Variants in DIAPH2 observed in about 807,000 individuals in gnomAD.
The protein encoded by DIAPH2 is protein diaphanous homolog 2.
A neutral mutation model predicts 92.7 loss-of-function variants in DIAPH2; 35 were observed. That is an observed-to-expected ratio of 0.38 (90% CI 0.29 to 0.50). The LOEUF (loss-of-function observed/expected upper bound fraction) is 0.50, where lower values mean the gene tolerates loss of function less well. Among genes scored for constraint, DIAPH2 ranks in the 20% least tolerant of loss-of-function variants. The pLI is 0.94. For missense variants in DIAPH2, 701 were observed against 819.5 expected (o/e 0.86, Z 1.77); for synonymous variants, 301 against 280.4 (o/e 1.07, Z -0.73).
intron 20 of DIAPH2, among the ~76,000 whole-genome samples, chrX:97,103,617 C>T (rs2066919964): frequency 8.9e-6 from 1 of 112,054 alleles, no homozygotes; most frequent in Non-Finnish European, 1.9e-5. Flanking sequence ...TTACAATATA[C>T]ATTTATCTTG....
At chrX:96,911,385 AG>A (rs2147779072) in intron 5 of DIAPH2, among the ~76,000 whole-genome samples, 1 of 111,233 alleles carries the variant, frequency 9.0e-6, no homozygotes, top group South Asian at 3.9e-4. Context: ...TAGAAGTAGA[AG>A]TAGAAGTAGA....
intron 16 of DIAPH2, among the ~76,000 whole-genome samples, chrX:96,959,423 T>G (rs1482029323): frequency 8.9e-6 from 1 of 111,989 alleles, no homozygotes; most frequent in Non-Finnish European, 1.9e-5. Context: ...TTTGTTTGTC[T>G]TCTTTTGAGA....
rs192931820 is a variant in DIAPH2 at position 97,391,115 on chromosome X, T to C, written c.3145+7071T>C. 5.4e-5 allele frequency among the ~76,000 whole-genome samples: 6 copies of C among 111,557 alleles called. No individual in the cohort carries two copies. The East Asian group carries it at 1.7e-3, about 31-fold the overall frequency. ...AGATCCTTCCATTGCAAGTGTGTAG[T>C]TTTAATTATGAAAATGAAAAGATGC... On this transcript the variant is annotated intron_variant, in intron 25 of 26. Transcript: ENST00000324765.
chrX:97,541,276 A>G (rs2071138486), intron 26 of DIAPH2, among the ~76,000 whole-genome samples: 1 of 112,001 alleles, frequency 8.9e-6, no homozygotes, highest in Non-Finnish European at 1.9e-5. Context: ...GATACTTACT[A>G]GGGTACTCAG....
intron 22 of DIAPH2, among the ~76,000 whole-genome samples, chrX:97,215,458 G>A (rs2067875610): frequency 8.9e-6 from 1 of 112,136 alleles, no homozygotes; most frequent in African/African-American, 3.2e-5. Context: ...GCTTTGTGAA[G>A]TGAATCATAT....
intron 26 of DIAPH2, among the ~76,000 whole-genome samples, chrX:97,575,416 G>T (rs1195549207): frequency 2.7e-5 from 3 of 112,019 alleles, no homozygotes; most frequent in Non-Finnish European, 5.6e-5. Context: ...TTTTTCTAGG[G>T]ACACTAGTCA....
chrX:97,171,819 A>G (rs1455198051), intron 22 of DIAPH2, among the ~76,000 whole-genome samples: 1 of 110,432 alleles, frequency 9.1e-6, no homozygotes, highest in Non-Finnish European at 1.9e-5. Context: ...GGGCGCCTGT[A>G]GTCCCAGCTA....
At chrX:97,359,229 T>C (rs186358716) in intron 24 of DIAPH2, among the ~76,000 whole-genome samples, 55 of 111,936 alleles carry the variant, frequency 4.9e-4, no homozygotes, top group African/African-American at 1.7e-3. Flanking sequence ...ACTGTCCAGT[T>C]AGGCTATTCA....
chrX:96,719,552 C>T (rs186094548), intron 1 of DIAPH2, among the ~76,000 whole-genome samples: 15 of 111,758 alleles, frequency 1.3e-4, no homozygotes, highest in African/African-American at 4.9e-4. Context: ...GTCCTTTACC[C>T]GATGTATGTT....
intron 22 of DIAPH2, among the ~76,000 whole-genome samples, chrX:97,238,955 T>G (rs1483017326): frequency 8.9e-6 from 1 of 111,956 alleles, no homozygotes; most frequent in African/African-American, 3.2e-5. Context: ...TAATCATGTT[T>G]GGGCCTATTC....
intron 26 of DIAPH2, among the ~76,000 whole-genome samples, chrX:97,433,823 A>G (rs1468454368): frequency 1.8e-5 from 2 of 112,370 alleles, no homozygotes; most frequent in South Asian, 3.7e-4. Flanking sequence ...AAGCACAGAA[A>G]GACTACAGAA....
At chrX:97,560,146 G>C (rs1344729504) in intron 26 of DIAPH2, among the ~76,000 whole-genome samples, 1 of 111,672 alleles carries the variant, frequency 9.0e-6, no homozygotes, top group Non-Finnish European at 1.9e-5. Flanking sequence ...AAAGATCCCT[G>C]CCACCTCTCA....
At chrX:97,164,562 T>A (rs2067398101) in intron 22 of DIAPH2, among the ~76,000 whole-genome samples, 1 of 112,147 alleles carries the variant, frequency 8.9e-6, no homozygotes, top group South Asian at 3.7e-4. Flanking sequence ...AATTTAGAAA[T>A]GTATGTCTTC....
chrX:96,692,930 G>A (rs1018140967), intron 1 of DIAPH2, among the ~76,000 whole-genome samples: 1 of 112,006 alleles, frequency 8.9e-6, no homozygotes, highest in Non-Finnish European at 1.9e-5. Context: ...ATATAGTCTA[G>A]GTTGCTGAAT....
chrX:97,185,306 A>AAAATATATATATATATATGTGTATATAT (rs1555998004), intron 22 of DIAPH2, among the ~76,000 whole-genome samples: 1 of 34,449 alleles, frequency 2.9e-5, no homozygotes. Context: ...AAAAAAAAAA[A>AAAATATATATATATATATGTGTATATAT]ATATATATAT....
At chrX:97,363,665 C>CAAA (rs35245894) in intron 24 of DIAPH2, among the ~76,000 whole-genome samples, 2 of 17,802 alleles carry the variant, frequency 1.1e-4, no homozygotes, top group Non-Finnish European at 2.4e-4. Flanking sequence ...GACTCTGCCT[C>CAAA]AAAAAAAAAA....
At position 97,455,574 on chromosome X, in the gene DIAPH2, A is replaced by T. The variant is rs187530695; in HGVS notation, c.3241+25829A>T. Among the ~76,000 whole-genome samples, 6 of 112,275 alleles carry T rather than the reference A, an allele frequency of 5.3e-5. No individual in the cohort carries two copies. The Admixed American group carries it at 5.7e-4, about 11-fold the overall frequency. ...GGGGAAGTTTCCTGTGAAAACATAT[A>T]CACCATAAAGAATAATGTATTTAGA... On this transcript the variant is annotated intron_variant, in intron 26 of 26. Coordinates refer to ENST00000324765, the MANE Select transcript of DIAPH2 (RefSeq NM_006729.5).
At chrX:97,143,293 A>G (rs1263072619) in intron 22 of DIAPH2, among the ~76,000 whole-genome samples, 1 of 110,969 alleles carries the variant, frequency 9.0e-6, no homozygotes, top group East Asian at 2.8e-4. Context: ...TGAAATGTAT[A>G]TATATATATA....
chrX:96,862,215 A>G (rs2065076494), intron 4 of DIAPH2, among the ~76,000 whole-genome samples: 1 of 111,899 alleles, frequency 8.9e-6, no homozygotes, highest in Admixed American at 9.5e-5. Context: ...CTAAGTATTC[A>G]TTGAATGAAT....
Sources: gnomAD v4.1 joint callset for allele counts (sites outside exome capture counted in the v4.1 genomes callset) on GRCh38, gnomAD v4.1.1 for gene constraint, MANE v1.5 for transcripts, NCBI Gene and HGNC (gene_info 2026-07-23, HGNC 2026-07-21) for gene names.